EIF2S2: variants seen among roughly 807,000 people sequenced by gnomAD.
The protein encoded by EIF2S2 is eukaryotic translation initiation factor 2 subunit beta.
In EIF2S2, 4 loss-of-function variants were observed where a neutral mutation model predicts 44.0. The ratio of observed to expected loss-of-function variants is 0.09; its 90% CI spans 0.04 to 0.21. EIF2S2 has a LOEUF of 0.21. Among genes scored for constraint, EIF2S2 ranks in the 10% least tolerant of loss-of-function variants. The pLI is 1.00. For synonymous variants in EIF2S2, 108 were observed against 128.3 expected (o/e 0.84, Z 1.07); for missense variants, 154 against 392.0 (o/e 0.39, Z 5.13).
intron 3 of EIF2S2, 89 bp from the exon 4 acceptor site, chr20:34,098,722 C>G: frequency 6.9e-7 from 1 of 1,451,426 alleles, no homozygotes; most frequent in Admixed American, 2.1e-5. Context: ...ATGAGGAGGT[C>G]TTGCTTTGTT....
chr20:34,103,315 C>T (rs893029826), intron 3 of EIF2S2, 147 bp downstream of exon 3: 1 of 1,102,150 alleles, frequency 9.1e-7, no homozygotes, highest in Non-Finnish European at 1.3e-6. Context: ...GTCAGACACA[C>T]TCCCAAGAAA....
rs550767906 is a variant in EIF2S2, at chr20:34,102,696, C to T, written c.297+766G>A. Among the ~76,000 whole-genome samples the T allele has an allele frequency of 2.2e-4, 34 of 152,198 alleles. No homozygotes were observed. In the South Asian group the frequency reaches 6.0e-3, roughly 27 times the overall value. ...GTGTATGTTTGCTGTTGTGTGTGTG[C>T]GCGCTCTATGTGAGTGAGTGTGTGT... On this transcript the variant is annotated intron_variant, in intron 3 of 8. Transcript: ENST00000374980.
At chr20:34,097,555 CTACTACAATACAAAAG>C in intron 4 of EIF2S2, 39 bp from the exon 5 acceptor site, 1 of 1,554,194 alleles carries the variant, frequency 6.4e-7, no homozygotes, top group African/African-American at 1.4e-5. Flanking sequence ...GGGGTGGGCC[CTACTACAATACAAAAG>C]TGGGGTGGGT....
intron 1 of EIF2S2, among the ~76,000 whole-genome samples, chr20:34,110,127 A>G (rs1386885700): frequency 6.6e-6 from 1 of 151,800 alleles, no homozygotes; most frequent in Non-Finnish European, 1.5e-5. Flanking sequence ...AGAAATATGA[A>G]TAAAACAGAA....
intron 3 of EIF2S2, among the ~76,000 whole-genome samples, chr20:34,099,507 C>T (rs2034271973): frequency 6.6e-6 from 1 of 152,214 alleles, no homozygotes. Context: ...CCGGGTGACA[C>T]CAAATATGTG....
chr20:34,101,953 G>A (rs1568716858), intron 3 of EIF2S2, among the ~76,000 whole-genome samples: 1 of 152,108 alleles, frequency 6.6e-6, no homozygotes, highest in African/African-American at 2.4e-5. Flanking sequence ...GGGATTACAG[G>A]CATGAGACAG....
intron 3 of EIF2S2, among the ~76,000 whole-genome samples, chr20:34,100,727 AT>A (rs1438208192): frequency 6.6e-6 from 1 of 152,236 alleles, no homozygotes; most frequent in African/African-American, 2.4e-5. Context: ...AGATGACATT[AT>A]CAAAGAGGGA....
At chr20:34,095,196 C>A (rs1441546472) in intron 6 of EIF2S2, among the ~76,000 whole-genome samples, 3 of 152,076 alleles carry the variant, frequency 2.0e-5, no homozygotes, top group African/African-American at 4.8e-5. Flanking sequence ...GTAAAACTTT[C>A]ACAATATATT....
intron 3 of EIF2S2, among the ~76,000 whole-genome samples, chr20:34,100,488 A>C (rs6142098): frequency 0.62 from 94,076 of 152,012 alleles, 30,504 homozygotes; most frequent in South Asian, 0.85. Flanking sequence ...GGGATCCCTT[A>C]CTCATTAATT....
At chr20:34,090,635 ATTG>A (rs1186778025) in intron 7 of EIF2S2, 33 bp from the exon 8 acceptor site, 3 of 1,352,952 alleles carry the variant, frequency 2.2e-6, no homozygotes, top group Non-Finnish European at 3.0e-6. Context: ...CTCCATTATT[ATTG>A]TTTTTTCCTA....
At chr20:34,104,210 T>C (rs2122427336) in intron 2 of EIF2S2, among the ~76,000 whole-genome samples, 1 of 152,328 alleles carries the variant, frequency 6.6e-6, no homozygotes, top group Non-Finnish European at 1.5e-5. Context: ...CTTGCCTTCC[T>C]CACTTCAATC....
chr20:34,089,532 C>A lies in EIF2S2; in HGVS notation c.*198G>T, dbSNP rs2034137799. ...CCTCCTTACCCCATATCACGTTTCT[C>A]TGACAGGTGTTAAAGTAGGCAATGA... is the stretch of plus-strand genomic sequence containing the variant. On this transcript the variant is annotated 3_prime_UTR_variant, in exon 9 of 9. Coordinates refer to ENST00000374980, the MANE Select transcript of EIF2S2 (RefSeq NM_003908.5). 1 of 549,558 alleles carries A rather than the reference C, an allele frequency of 1.8e-6. No individual in the cohort carries two copies. The highest frequency in any genetic ancestry group is 2.7e-5 in the South Asian group (1 of 36,540). The allele number at this position is 549,558 out of a possible 1,614,324, so 34.0% of individuals were successfully genotyped here.
In EIF2S2 at chr20:34,112,150, G is replaced by A. The variant is rs1326619713; in HGVS notation, c.-40C>T. ...TGGGCTCGGCACGGACGGGAAGTCA[G>A]ACGGGTCAGCCCCAGGCCCCGGCGG... On this transcript the variant is annotated 5_prime_UTR_variant, in exon 1 of 9. Transcript: ENST00000374980. The A allele has an allele frequency of 2.0e-6, 3 of 1,534,370 alleles. No homozygotes were observed. Among genetic ancestry groups the A allele is most frequent in the Non-Finnish European group, 2.6e-6 (3 of 1,136,796 alleles).
chr20:34,108,629 A>G (rs1221080724), intron 1 of EIF2S2, among the ~76,000 whole-genome samples: 1 of 152,212 alleles, frequency 6.6e-6, no homozygotes, highest in African/African-American at 2.4e-5. Flanking sequence ...CACTTGAGTT[A>G]TATTTTAGGT....
intron 1 of EIF2S2, among the ~76,000 whole-genome samples, chr20:34,109,407 A>C (rs888450605): frequency 6.6e-6 from 1 of 152,182 alleles, no homozygotes; most frequent in African/African-American, 2.4e-5. Context: ...TTTAAAGATC[A>C]TGGTTCCATG....
chr20:34,108,070 T>C (rs2034369348), intron 1 of EIF2S2: 1 of 152,088 alleles, frequency 6.6e-6, no homozygotes, highest in Non-Finnish European at 1.5e-5. Flanking sequence ...CACTATAAAT[T>C]TGGTTCTGGA....
intron 4 of EIF2S2, among the ~76,000 whole-genome samples, chr20:34,097,717 C>T (rs1351895329): frequency 6.6e-6 from 1 of 152,070 alleles, no homozygotes; most frequent in Non-Finnish European, 1.5e-5. Context: ...CAAAAAAGGC[C>T]CTTAATAGAG....
intron 7 of EIF2S2, among the ~76,000 whole-genome samples, chr20:34,091,787 G>A (rs1346891768): frequency 1.4e-5 from 2 of 138,374 alleles, no homozygotes; most frequent in Non-Finnish European, 1.6e-5. Flanking sequence ...GGGGGGGGGG[G>A]GTCCAAGGGT....
intron 7 of EIF2S2, among the ~76,000 whole-genome samples, chr20:34,092,226 T>C (rs370952266): frequency 9.3e-4 from 142 of 152,320 alleles, no homozygotes; most frequent in African/African-American, 3.1e-3. Context: ...ATTTAACCCA[T>C]TGACCATAAG....
Sources: allele counts gnomAD v4.1 joint callset (sites outside exome capture counted in the v4.1 genomes callset), GRCh38; gene constraint gnomAD v4.1.1; transcripts MANE v1.5; gene names NCBI Gene and HGNC (gene_info 2026-07-23, HGNC 2026-07-21).